The following TPST1 variants were observed in gnomAD, a reference collection of about 807,000 sequenced individuals.
TPST1 encodes protein-tyrosine sulfotransferase 1.
A neutral mutation model predicts 34.8 loss-of-function variants in TPST1; 20 were observed. That is an observed-to-expected ratio of 0.57 (90% CI 0.40 to 0.84). The LOEUF is 0.84. TPST1 is among the 40% of genes least tolerant of loss of function. The pLI, the probability that TPST1 is intolerant of heterozygous loss-of-function variation, is 0.00. For synonymous variants in TPST1, 152 were observed against 159.4 expected (o/e 0.95, Z 0.35); for missense variants, 353 against 455.5 (o/e 0.78, Z 2.05).
chr7:66,273,742 A>G (rs1291177260), intron 2 of TPST1, among the ~76,000 whole-genome samples: 1 of 152,028 alleles, frequency 6.6e-6, no homozygotes, highest in African/African-American at 2.4e-5. Flanking sequence ...TTAGACTCTT[A>G]CCTCACATCA....
chr7:66,314,793 T>C (rs969811367), intron 3 of TPST1, among the ~76,000 whole-genome samples: 6 of 152,198 alleles, frequency 3.9e-5, no homozygotes, highest in African/African-American at 1.4e-4. Context: ...AACACTATGA[T>C]AAGTATTATA....
intron 1 of TPST1, among the ~76,000 whole-genome samples, chr7:66,210,237 G>A (rs1301614942): frequency 6.6e-6 from 1 of 152,170 alleles, no homozygotes; most frequent in East Asian, 1.9e-4. Context: ...GGGTAATGGT[G>A]GTTCTGTTCA....
At chr7:66,349,573 AAACAACAAC>A (rs374373195) in intron 3 of TPST1, among the ~76,000 whole-genome samples, 2 of 151,948 alleles carry the variant, frequency 1.3e-5, no homozygotes, top group South Asian at 2.1e-4. Flanking sequence ...CTCCGTCTCA[AAACAACAAC>A]AACAACAACA....
chr7:66,238,791 C>T (rs1789964150), intron 1 of TPST1, among the ~76,000 whole-genome samples: 1 of 152,210 alleles, frequency 6.6e-6, no homozygotes, highest in Non-Finnish European at 1.5e-5. Flanking sequence ...TTAACTGTCA[C>T]ACTTGCCTTC....
At chr7:66,273,854 G>A (rs960535014) in intron 2 of TPST1, among the ~76,000 whole-genome samples, 5 of 151,884 alleles carry the variant, frequency 3.3e-5, no homozygotes, top group African/African-American at 1.2e-4. Flanking sequence ...CCAGGCTGGA[G>A]TGCAGTGGTG....
At chr7:66,334,579 T>C (rs575748257) in intron 3 of TPST1, among the ~76,000 whole-genome samples, 1 of 139,566 alleles carries the variant, frequency 7.2e-6, no homozygotes, top group East Asian at 2.1e-4. Context: ...GAGGTTGCAG[T>C]GAGCCAAGAT....
chr7:66,199,856 G>A, the TPST1 span, among the ~76,000 whole-genome samples: 977 of 151,944 alleles, frequency 6.4e-3, 3 homozygotes, highest in Non-Finnish European at 9.9e-3. Flanking sequence ...TGGGACTACC[G>A]CCGCGCGGCA....
intron 3 of TPST1, among the ~76,000 whole-genome samples, chr7:66,339,867 G>T (rs1455276881): frequency 7.4e-6 from 1 of 135,126 alleles, no homozygotes; most frequent in Non-Finnish European, 1.6e-5. Flanking sequence ...TCATGATAAA[G>T]TGGAAATCCG....
chr7:66,353,738 T>C (rs765177849), intron 4 of TPST1, among the ~76,000 whole-genome samples: 2 of 152,198 alleles, frequency 1.3e-5, no homozygotes, highest in Non-Finnish European at 2.9e-5. Flanking sequence ...TGTCAGTGAT[T>C]AGCTTGTCAA....
At chr7:66,224,901 CTTTTT>C (rs780952403) in intron 1 of TPST1, among the ~76,000 whole-genome samples, 3 of 42,408 alleles carry the variant, frequency 7.1e-5, no homozygotes, top group African/African-American at 2.2e-4. Context: ...TTCTGGTATT[CTTTTT>C]TTTTTTTTTT....
chr7:66,298,059 T>C lies in TPST1; in HGVS notation c.1044+11350T>C, dbSNP rs1791237762. On this transcript the variant is annotated intron_variant, in intron 3 of 5. Coordinates refer to ENST00000304842, the MANE Select transcript of TPST1 (RefSeq NM_003596.4). ...GACCATTATGGTCAGAGAACACTCA[T>C]TATGGTTTGTTTCAGTCCTTTGAAA... 2.6e-5 allele frequency among the ~76,000 whole-genome samples: 4 copies of C among 152,224 alleles called. 1 individual carries two copies. Among genetic ancestry groups the C allele is most frequent in the African/African-American group, 9.6e-5 (4 of 41,454 alleles).
intron 3 of TPST1, among the ~76,000 whole-genome samples, chr7:66,351,896 T>G (rs149706732): frequency 1.1e-3 from 161 of 152,310 alleles, no homozygotes; most frequent in African/African-American, 3.6e-3. Flanking sequence ...ATAAATGGTA[T>G]TTATCACAAA....
At chr7:66,348,938 T>A (rs182035682) in intron 3 of TPST1, among the ~76,000 whole-genome samples, 16 of 152,302 alleles carry the variant, frequency 1.1e-4, no homozygotes, top group Admixed American at 3.3e-4. Context: ...TAGGTTTTTT[T>A]TTTCTTCTTC....
At chr7:66,225,593 C>CAAAG (rs1789638540) in intron 1 of TPST1, among the ~76,000 whole-genome samples, 1 of 151,472 alleles carries the variant, frequency 6.6e-6, no homozygotes, top group Non-Finnish European at 1.5e-5. Flanking sequence ...GCCTGGGTGA[C>CAAAG]AGAGACTCAG....
At chr7:66,322,573 T>C (rs1719056697) in intron 3 of TPST1, among the ~76,000 whole-genome samples, 1 of 152,248 alleles carries the variant, frequency 6.6e-6, no homozygotes, top group South Asian at 2.1e-4. Context: ...GACTTCCTTT[T>C]TAAGGCTGCA....
At chr7:66,230,454 G>T (rs910248687) in intron 1 of TPST1, among the ~76,000 whole-genome samples, 11 of 152,190 alleles carry the variant, frequency 7.2e-5, no homozygotes, top group Non-Finnish European at 1.5e-4. Flanking sequence ...CTGACATTCG[G>T]CTGTGTTCGG....
chr7:66,219,055 T>C (rs1789485381), intron 1 of TPST1, among the ~76,000 whole-genome samples: 1 of 147,592 alleles, frequency 6.8e-6, no homozygotes, highest in Non-Finnish European at 1.5e-5. Context: ...TAATTTTTTT[T>C]TTTTTTTTTT....
intron 1 of TPST1, among the ~76,000 whole-genome samples, chr7:66,222,313 G>A (rs1243138041): frequency 6.6e-6 from 1 of 151,962 alleles, no homozygotes; most frequent in Non-Finnish European, 1.5e-5. Flanking sequence ...TGAACCCCGG[G>A]AGGTGGAGCT....
chr7:66,227,932 G>C (rs752055177), intron 1 of TPST1, among the ~76,000 whole-genome samples: 5 of 152,054 alleles, frequency 3.3e-5, no homozygotes, highest in Admixed American at 6.6e-5. Flanking sequence ...CAGTAATGAA[G>C]ATTTAAAAAC....
Sources: allele counts gnomAD v4.1 joint callset (sites outside exome capture counted in the v4.1 genomes callset), GRCh38; gene constraint gnomAD v4.1.1; transcripts MANE v1.5; gene names NCBI Gene and HGNC (gene_info 2026-07-23, HGNC 2026-07-21).